The following TRAPPC9 variants were observed in gnomAD, a reference collection of about 807,000 sequenced individuals.
TRAPPC9 encodes the protein trafficking protein particle complex subunit 9.
Under a neutral mutation model 124.0 loss-of-function variants are expected in TRAPPC9, and 83 were observed. The ratio of observed to expected loss-of-function variants is 0.67; its 90% CI spans 0.56 to 0.80. The LOEUF (loss-of-function observed/expected upper bound fraction) is 0.80, where lower values mean the gene tolerates loss of function less well. TRAPPC9 is among the 30% of genes least tolerant of loss of function. The pLI is 0.00. For missense variants in TRAPPC9, 1,302 were observed against 1,508.3 expected (o/e 0.86, Z 2.27); for synonymous variants, 638 against 617.5 (o/e 1.03, Z -0.49).
In TRAPPC9 at chr8:139,942,643, T is replaced by C. The variant is rs1447766637; in HGVS notation, c.2811-32343A>G. ...ATAATTACTATAAATTCTGGACACA[T>C]TTTTTTTTAATAAGCAACCTGAAGG... is the stretch of plus-strand genomic sequence containing the variant. On this transcript the variant is annotated intron_variant, in intron 19 of 22. Coordinates refer to ENST00000438773, the MANE Select transcript of TRAPPC9 (RefSeq NM_001160372.4). Among the ~76,000 whole-genome samples the C allele has an allele frequency of 4.0e-5, 6 of 151,310 alleles. No individual in the cohort carries two copies. In the East Asian group the frequency reaches 1.2e-3, roughly 29 times the overall value.
At chr8:140,409,658 G>A (rs964637527) in intron 5 of TRAPPC9, among the ~76,000 whole-genome samples, 1 of 152,100 alleles carries the variant, frequency 6.6e-6, no homozygotes, top group Non-Finnish European at 1.5e-5. Context: ...AGCTGATATG[G>A]ACTGATCTCC....
Position 139,778,015 on chromosome 8 carries a change from A to AT in TRAPPC9, c.3056-45814_3056-45813insA, listed in dbSNP as rs1010665196. Among the ~76,000 whole-genome samples the AT allele has an allele frequency of 4.7e-4, 71 of 152,286 alleles. 1 individual carries two copies. Among genetic ancestry groups the AT allele is most frequent in the African/African-American group, 1.7e-3 (70 of 41,558 alleles). On this transcript the variant is annotated intron_variant, in intron 21 of 22. Coordinates refer to ENST00000438773, the MANE Select transcript of TRAPPC9 (RefSeq NM_001160372.4). ...GGAAGGGAGAGAGAGAGAAAAAAAAACCTATAGAGATCGGTGGGGGGTTCC... is the reference window on the plus strand; with the variant it reads ...GGAAGGGAGAGAGAGAGAAAAAAAAATCCTATAGAGATCGGTGGGGGGTTCC...
intron 17 of TRAPPC9, among the ~76,000 whole-genome samples, chr8:140,115,268 TG>T (rs201727232): frequency 1.4e-5 from 2 of 144,300 alleles, no homozygotes; most frequent in Admixed American, 6.8e-5. Flanking sequence ...GTTGTTATAA[TG>T]GTTTTTTTTT....
chr8:139,731,375 G>T (rs1817812510), intron 22 of TRAPPC9, 147 bp from the exon 23 acceptor site: 7 of 868,872 alleles, frequency 8.1e-6, no homozygotes, highest in East Asian at 2.6e-5. Flanking sequence ...CCTCCAGCAG[G>T]TCACTGCGCC....
At chr8:140,345,886 C>T (rs1047078386) in intron 9 of TRAPPC9, among the ~76,000 whole-genome samples, 9 of 152,178 alleles carry the variant, frequency 5.9e-5, no homozygotes, top group African/African-American at 2.2e-4. Flanking sequence ...CCACCTGGGG[C>T]CTGGGCCGCT....
intron 17 of TRAPPC9, among the ~76,000 whole-genome samples, chr8:140,034,591 A>C (rs1048153286): frequency 6.6e-6 from 1 of 152,260 alleles, no homozygotes; most frequent in African/African-American, 2.4e-5. Context: ...CTTGAAGAGC[A>C]GGTGCCCCAC....
rs76776495 is a variant in TRAPPC9, at chr8:139,948,028, C to T, written c.2811-37728G>A. Among the ~76,000 whole-genome samples the T allele has an allele frequency of 7.9e-5, 12 of 151,068 alleles. No individual in the cohort carries two copies. In the East Asian group the frequency reaches 1.9e-3, roughly 24 times the overall value. Reference sequence around the variant, plus strand: ...CTTGTCCACGTTCTGTCCACTGGCACTTGCATGGCCGTGGGAACATTACTG... The same window carrying T: ...CTTGTCCACGTTCTGTCCACTGGCATTTGCATGGCCGTGGGAACATTACTG... On this transcript the variant is annotated intron_variant, in intron 19 of 22. Coordinates refer to ENST00000438773, the MANE Select transcript of TRAPPC9 (RefSeq NM_001160372.4).
At chr8:140,223,514 G>T (rs1230993905) in intron 16 of TRAPPC9, among the ~76,000 whole-genome samples, 1 of 152,180 alleles carries the variant, frequency 6.6e-6, no homozygotes, top group African/African-American at 2.4e-5. Context: ...CTTTAACACA[G>T]TTGTTGGGAA....
At chr8:140,081,345 G>A (rs1395219595) in intron 17 of TRAPPC9, among the ~76,000 whole-genome samples, 1 of 58,916 alleles carries the variant, frequency 1.7e-5, no homozygotes, top group African/African-American at 4.2e-5. Context: ...TAAAATGAAT[G>A]CTTTTTTTTT....
At chr8:140,352,110 A>T (rs1031786561) in intron 9 of TRAPPC9, among the ~76,000 whole-genome samples, 1 of 152,156 alleles carries the variant, frequency 6.6e-6, no homozygotes, top group Non-Finnish European at 1.5e-5. Context: ...AATTGAGATC[A>T]TAAAACATGT....
At chr8:140,015,693 A>T (rs1262068528) in intron 18 of TRAPPC9, among the ~76,000 whole-genome samples, 1 of 152,140 alleles carries the variant, frequency 6.6e-6, no homozygotes, top group African/African-American at 2.4e-5. Context: ...CTGTAGTCCC[A>T]GCTACTCGGG....
chr8:139,821,419 G>C (rs1825244244), intron 21 of TRAPPC9, among the ~76,000 whole-genome samples: 2 of 152,222 alleles, frequency 1.3e-5, no homozygotes, highest in African/African-American at 4.8e-5. Flanking sequence ...CTGTGGCACA[G>C]GTCAAAATGT....
At chr8:140,001,564 C>T (rs1000243843) in intron 18 of TRAPPC9, among the ~76,000 whole-genome samples, 4 of 152,004 alleles carry the variant, frequency 2.6e-5, no homozygotes, top group African/African-American at 9.7e-5. Context: ...CCTCTAGCCA[C>T]AATTACAAAG....
intron 19 of TRAPPC9, among the ~76,000 whole-genome samples, chr8:139,925,166 C>G (rs778896388): frequency 6.6e-6 from 1 of 152,190 alleles, no homozygotes; most frequent in Non-Finnish European, 1.5e-5. Flanking sequence ...AGCTCGCCCA[C>G]GGGGTGGCGG....
At chr8:140,431,983 T>C (rs964568548) in intron 4 of TRAPPC9, among the ~76,000 whole-genome samples, 2 of 152,224 alleles carry the variant, frequency 1.3e-5, no homozygotes, top group African/African-American at 4.8e-5. Flanking sequence ...ATTTTCATGC[T>C]GAAATGACAT....
At chr8:140,397,012 G>A (rs368334856) in intron 7 of TRAPPC9, among the ~76,000 whole-genome samples, 7 of 152,054 alleles carry the variant, frequency 4.6e-5, no homozygotes, top group Non-Finnish European at 7.3e-5. Context: ...TCTCATACTC[G>A]TCTGGTGTCC....
chr8:139,875,602 G>C (rs989466828), intron 21 of TRAPPC9, among the ~76,000 whole-genome samples: 1 of 151,920 alleles, frequency 6.6e-6, no homozygotes, highest in Non-Finnish European at 1.5e-5. Flanking sequence ...ACCCACTGCC[G>C]GGCAAGCTGG....
intron 3 of TRAPPC9, among the ~76,000 whole-genome samples, chr8:140,437,539 G>A (rs540062939): frequency 5.1e-4 from 78 of 152,270 alleles, no homozygotes; most frequent in Middle Eastern, 3.4e-3. Context: ...CAGGAGAATC[G>A]CTTGAACCCA....
At chr8:140,205,031 G>A (rs1225024394) in intron 17 of TRAPPC9, among the ~76,000 whole-genome samples, 1 of 152,196 alleles carries the variant, frequency 6.6e-6, no homozygotes, top group African/African-American at 2.4e-5. Flanking sequence ...GGAGATGTCA[G>A]TTTAAAAACA....
Sources: gnomAD v4.1 joint callset for allele counts (sites outside exome capture counted in the v4.1 genomes callset) on GRCh38, gnomAD v4.1.1 for gene constraint, MANE v1.5 for transcripts, NCBI Gene and HGNC (gene_info 2026-07-23, HGNC 2026-07-21) for gene names.